The following GRID1 variants were observed in gnomAD, a reference collection of about 807,000 sequenced individuals.
GRID1 encodes glutamate receptor ionotropic, delta-1.
Under a neutral mutation model 98.0 loss-of-function variants are expected in GRID1, and 28 were observed. The observed-to-expected ratio is 0.29, with a 90% CI of 0.21 to 0.39. GRID1 has a LOEUF of 0.39. GRID1 is among the 10% of genes least tolerant of loss of function. The probability of loss-of-function intolerance (pLI) is 1.00; values close to 1 mark genes in which losing one functional copy is unlikely to be tolerated. For synonymous variants in GRID1, 553 were observed against 538.5 expected, an observed-to-expected ratio of 1.03 and a Z score of -0.37; for missense variants, 1,111 against 1,340.5, an observed-to-expected ratio of 0.83 and a Z score of 2.67.
At chr10:86,198,428 T>G (rs1383387382) in intron 3 of GRID1, among the ~76,000 whole-genome samples, 1 of 152,126 alleles carries the variant, frequency 6.6e-6, no homozygotes, top group Non-Finnish European at 1.5e-5. Context: ...TCACCAGGTC[T>G]GCCTTGGGAA....
intron 4 of GRID1, among the ~76,000 whole-genome samples, chr10:86,095,420 C>G (rs1223560246): frequency 6.6e-6 from 1 of 152,168 alleles, no homozygotes; most frequent in Non-Finnish European, 1.5e-5. Flanking sequence ...AAACAGACAA[C>G]CCACAGAGTG....
intron 4 of GRID1, among the ~76,000 whole-genome samples, chr10:86,102,176 T>A (rs1425155065): frequency 6.6e-6 from 1 of 152,206 alleles, no homozygotes; most frequent in Non-Finnish European, 1.5e-5. Context: ...GGTAATGACA[T>A]GATCAGCTAG....
chr10:85,884,213 CT>C (rs1841079693), intron 5 of GRID1, among the ~76,000 whole-genome samples: 1 of 151,760 alleles, frequency 6.6e-6, no homozygotes, highest in Non-Finnish European at 1.5e-5. Flanking sequence ...GTCATTTTTC[CT>C]TTTGTGAGTG....
At chr10:86,022,917 C>CAA (rs34518403) in intron 4 of GRID1, among the ~76,000 whole-genome samples, 35 of 112,802 alleles carry the variant, frequency 3.1e-4, no homozygotes, top group East Asian at 7.7e-4. Flanking sequence ...GACTCCATCT[C>CAA]AAAAAAAAAA....
Position 86,203,754 on chromosome 10 carries a change from T to G in GRID1, c.520+2610A>C, listed in dbSNP as rs371014117. Among the ~76,000 whole-genome samples, 344 of 151,990 alleles carry G rather than the reference T, an allele frequency of 2.3e-3. 1 individual carries two copies. The highest frequency in any genetic ancestry group is 7.7e-3 in the African/African-American group (321 of 41,522). Reference sequence around the variant, plus strand: ...GTCTTCTGACTGAGAACCCCAGCTCTGGGGTTCTCCGCTCACCTCCACCCT... The same window carrying G: ...GTCTTCTGACTGAGAACCCCAGCTCGGGGGTTCTCCGCTCACCTCCACCCT... On this transcript the variant is annotated intron_variant, in intron 3 of 15. Transcript: ENST00000327946.
chr10:85,629,541 C>T (rs546092356), intron 13 of GRID1, among the ~76,000 whole-genome samples: 4 of 152,244 alleles, frequency 2.6e-5, no homozygotes, highest in South Asian at 2.1e-4. Context: ...GTTCCATCCA[C>T]GATACTGCAA....
intron 8 of GRID1, among the ~76,000 whole-genome samples, chr10:85,801,525 G>A (rs1270850514): frequency 6.6e-6 from 1 of 151,692 alleles, no homozygotes; most frequent in Admixed American, 6.6e-5. Flanking sequence ...CAGAATTTAT[G>A]AATTTTGTTA....
chr10:86,123,797 A>C (rs113229587), intron 4 of GRID1, among the ~76,000 whole-genome samples: 7 of 152,344 alleles, frequency 4.6e-5, no homozygotes, highest in African/African-American at 1.7e-4. Context: ...ACACACATTA[A>C]TAATGTGCAA....
chr10:86,175,482 A>G (rs1481941969), intron 3 of GRID1, among the ~76,000 whole-genome samples: 5 of 151,834 alleles, frequency 3.3e-5, no homozygotes, highest in Non-Finnish European at 7.4e-5. Flanking sequence ...ATTCCATATG[A>G]CCTAGCCAGC....
chr10:86,027,977 CT>C (rs1285981894), intron 4 of GRID1, among the ~76,000 whole-genome samples: 1 of 152,162 alleles, frequency 6.6e-6, no homozygotes, highest in East Asian at 1.9e-4. Flanking sequence ...TGTACATCAT[CT>C]GACTAATCCT....
At chr10:86,008,789 T>C (rs781188537) in intron 4 of GRID1, among the ~76,000 whole-genome samples, 7 of 152,206 alleles carry the variant, frequency 4.6e-5, no homozygotes, top group Non-Finnish European at 1.0e-4. Context: ...ATTTTGCTGG[T>C]AGAAGAATAA....
intron 3 of GRID1, among the ~76,000 whole-genome samples, chr10:86,170,802 G>A (rs12266620): frequency 0.048 from 7,296 of 152,244 alleles, 302 homozygotes; most frequent in South Asian, 0.15. Flanking sequence ...TTGGGGTCAC[G>A]TTCTAAAAGC....
chr10:86,363,156 G>C (rs57271625), intron 2 of GRID1, among the ~76,000 whole-genome samples: 1 of 152,192 alleles, frequency 6.6e-6, no homozygotes, highest in Non-Finnish European at 1.5e-5. Context: ...GGAAAGCAGA[G>C]GGGGTTGCTG....
chr10:86,177,034 G>T (rs1326551716), intron 3 of GRID1, among the ~76,000 whole-genome samples: 1 of 151,956 alleles, frequency 6.6e-6, no homozygotes, highest in East Asian at 1.9e-4. Context: ...GGCATGCACG[G>T]TACAGTTTCC....
chr10:85,776,596 A>C (rs1842333757), intron 8 of GRID1, among the ~76,000 whole-genome samples: 1 of 152,158 alleles, frequency 6.6e-6, no homozygotes, highest in South Asian at 2.1e-4. Flanking sequence ...AGGGGAGATC[A>C]CTGCTTGGAA....
chr10:86,323,779 G>A (rs968109869), intron 2 of GRID1, among the ~76,000 whole-genome samples: 4 of 152,204 alleles, frequency 2.6e-5, no homozygotes, highest in African/African-American at 9.7e-5. Context: ...CTTTAAAATG[G>A]TTAAAATCAT....
Position 85,798,672 on chromosome 10 carries a change from T to A in GRID1, c.1233+55824A>T, listed in dbSNP as rs185807172. On this transcript the variant is annotated intron_variant, in intron 8 of 15. Transcript: ENST00000327946. ...CTTTGCATATCTTCTGAGAAGTTCA[T>A]ATTAAGATCTCTTGTTCATTTTTAA... is the stretch of plus-strand genomic sequence containing the variant. 3.0e-4 allele frequency among the ~76,000 whole-genome samples: 45 copies of A among 152,258 alleles called. 1 individual carries two copies. The East Asian group carries it at 6.7e-3, about 23-fold the overall frequency.
intron 5 of GRID1, among the ~76,000 whole-genome samples, chr10:85,891,353 T>C (rs191621004): frequency 2.0e-5 from 3 of 152,296 alleles, no homozygotes; most frequent in African/African-American, 7.2e-5. Flanking sequence ...TAGCCCTGTA[T>C]TTAACATATC....
At chr10:85,843,102 A>G (rs1009260079) in intron 8 of GRID1, among the ~76,000 whole-genome samples, 1 of 152,092 alleles carries the variant, frequency 6.6e-6, no homozygotes, top group Non-Finnish European at 1.5e-5. Context: ...ACATTGATCA[A>G]TGGGATAGAC....
Sources: allele counts gnomAD v4.1 joint callset (sites outside exome capture counted in the v4.1 genomes callset), GRCh38; gene constraint gnomAD v4.1.1; transcripts MANE v1.5; gene names NCBI Gene and HGNC (gene_info 2026-07-23, HGNC 2026-07-21).